Variants in GTF2IRD1 observed in about 807,000 individuals in gnomAD.
GTF2IRD1 encodes GTF2I repeat domain containing 1, also known as general transcription factor II-I repeat domain-containing protein 1.
Under a neutral mutation model 113.2 loss-of-function variants are expected in GTF2IRD1, and 26 were observed. The ratio of observed to expected loss-of-function variants is 0.23; its 90% CI spans 0.17 to 0.32. The LOEUF is 0.32. GTF2IRD1 is among the 10% of genes least tolerant of loss of function. The pLI is 1.00. For missense variants in GTF2IRD1, 864 were observed against 1,280.8 expected (o/e 0.67, Z 4.97); for synonymous variants, 484 against 529.1 (o/e 0.91, Z 1.17).
intron 6 of GTF2IRD1, 143 bp from the exon 7 acceptor site, chr7:74,521,065 G>C (rs922354566): frequency 3.4e-6 from 2 of 588,672 alleles, no homozygotes; most frequent in Admixed American, 6.1e-5. Context: ...CTTGCCTTGA[G>C]TTTGTGATCA....
At chr7:74,538,501 T>C (rs1554350783) in intron 12 of GTF2IRD1, among the ~76,000 whole-genome samples, 179 bp from the exon 13 acceptor site, 1 of 152,194 alleles carries the variant, frequency 6.6e-6, no homozygotes, top group African/African-American at 2.4e-5. Flanking sequence ...CCCCTAAGCC[T>C]GGCCTGAGGG....
intron 13 of GTF2IRD1, 31 bp from the exon 14 acceptor site, chr7:74,539,848 A>T (rs1554351246): frequency 6.6e-7 from 1 of 1,505,668 alleles, no homozygotes; most frequent in African/African-American, 1.4e-5. Flanking sequence ...CAGGCAGAAG[A>T]TACCCGTGTC....
Position 74,479,738 on chromosome 7 carries a change from A to AT in GTF2IRD1, c.-7+25563dup, listed in dbSNP as rs1562785076. ...GCATAATTTACTTCCAGTAAAGTAC[A>AT]TGAGTACATGAATCTTTTTTTTTTT... On this transcript the variant is annotated intron_variant, in intron 1 of 26. Coordinates refer to ENST00000424337, the MANE Select transcript of GTF2IRD1 (RefSeq NM_005685.4). Among the ~76,000 whole-genome samples the AT allele has an allele frequency of 3.1e-4, 46 of 149,686 alleles. No homozygotes were observed. The Middle Eastern group carries it at 0.011, about 35-fold the overall frequency.
intron 22 of GTF2IRD1, among the ~76,000 whole-genome samples, chr7:74,573,901 C>T (rs75916587): frequency 1.5e-3 from 222 of 152,318 alleles, no homozygotes; most frequent in African/African-American, 4.7e-3. Context: ...CATTTGTGCA[C>T]AGGCCCAGGT....
chr7:74,475,019 A>G (rs1794321673), intron 1 of GTF2IRD1, among the ~76,000 whole-genome samples: 1 of 152,116 alleles, frequency 6.6e-6, no homozygotes, highest in Admixed American at 6.6e-5. Context: ...ATACTCAGGA[A>G]GGATTTGGGA....
chr7:74,531,626 T>C (rs587602574), intron 9 of GTF2IRD1, among the ~76,000 whole-genome samples: 180 of 151,838 alleles, frequency 1.2e-3, no homozygotes, highest in African/African-American at 4.1e-3. Context: ...TTACGGCCTG[T>C]AATCCCAGCA....
intron 22 of GTF2IRD1, among the ~76,000 whole-genome samples, chr7:74,562,110 G>A (rs1800002543): frequency 6.6e-6 from 1 of 152,240 alleles, no homozygotes. Context: ...AGGTCACTGA[G>A]TGCTACTTCT....
At chr7:74,472,438 C>G (rs528616906) in intron 1 of GTF2IRD1, among the ~76,000 whole-genome samples, 1 of 152,164 alleles carries the variant, frequency 6.6e-6, no homozygotes, top group Non-Finnish European at 1.5e-5. Context: ...TCTAGAGTTA[C>G]GAGGATCAAG....
intron 22 of GTF2IRD1, among the ~76,000 whole-genome samples, chr7:74,564,939 A>T (rs782447206): frequency 6.6e-6 from 1 of 152,088 alleles, no homozygotes; most frequent in Non-Finnish European, 1.5e-5. Context: ...CTCAGAGGGC[A>T]GTGGGTGAAT....
chr7:74,468,024 G>A (rs929300838), intron 1 of GTF2IRD1, among the ~76,000 whole-genome samples: 10 of 152,092 alleles, frequency 6.6e-5, no homozygotes, highest in African/African-American at 2.4e-4. Flanking sequence ...GGCCACCGGC[G>A]GTGACGAGGC....
In GTF2IRD1 at chr7:74,541,575, G is replaced by A. The variant is rs587770542; in HGVS notation, c.1618+1607G>A. On this transcript the variant is annotated intron_variant, in intron 14 of 26. Coordinates refer to ENST00000424337, the MANE Select transcript of GTF2IRD1 (RefSeq NM_005685.4). ...CAGGAGGTTGAGGCTGTGGTGAGCCGTGATGGTGCCACTGAGTAAGACCCT... is the reference window on the plus strand; with the variant it reads ...CAGGAGGTTGAGGCTGTGGTGAGCCATGATGGTGCCACTGAGTAAGACCCT... 7.9e-5 allele frequency among the ~76,000 whole-genome samples: 12 copies of A among 151,764 alleles called. No homozygotes were observed. In the South Asian group the frequency reaches 2.5e-3, roughly 32 times the overall value.
At chr7:74,567,030 C>T (rs1800361171) in intron 22 of GTF2IRD1, among the ~76,000 whole-genome samples, 1 of 152,072 alleles carries the variant, frequency 6.6e-6, no homozygotes, top group African/African-American at 2.4e-5. Flanking sequence ...TTTATTTGTA[C>T]AACAAAAATG....
intron 1 of GTF2IRD1, among the ~76,000 whole-genome samples, chr7:74,461,073 C>T (rs1331740979): frequency 1.3e-5 from 2 of 152,210 alleles, no homozygotes; most frequent in Admixed American, 1.3e-4. Context: ...TGGCTCTCCC[C>T]AACCTGCCTG....
intron 1 of GTF2IRD1, among the ~76,000 whole-genome samples, chr7:74,492,226 A>G (rs1795394973): frequency 6.7e-6 from 1 of 148,988 alleles, no homozygotes; most frequent in Admixed American, 6.7e-5. Flanking sequence ...GCTGGAGTTC[A>G]GTGGCGTGAT....
intron 1 of GTF2IRD1, among the ~76,000 whole-genome samples, chr7:74,495,257 C>T (rs1428527388): frequency 6.6e-6 from 1 of 152,160 alleles, no homozygotes; most frequent in Admixed American, 6.5e-5. Flanking sequence ...GAGCCCAGGC[C>T]CAGGCTCTGG....
chr7:74,479,407 C>T (rs1051948939), intron 1 of GTF2IRD1, among the ~76,000 whole-genome samples: 7 of 133,680 alleles, frequency 5.2e-5, no homozygotes, highest in Admixed American at 1.8e-4. Context: ...GACACGTGGG[C>T]GGCCCAGGCT....
intron 1 of GTF2IRD1, among the ~76,000 whole-genome samples, chr7:74,492,782 T>C (rs1795443866): frequency 6.6e-6 from 1 of 152,032 alleles, no homozygotes; most frequent in Non-Finnish European, 1.5e-5. Flanking sequence ...GGGGGGAATC[T>C]GTTCCTGGCC....
In GTF2IRD1 at chr7:74,519,545, G is replaced by A. The variant is rs150553675; in HGVS notation, c.742G>A (p.Ala248Thr). The A allele has an allele frequency of 1.7e-5, 28 of 1,610,848 alleles. No homozygotes were observed. The highest frequency in any genetic ancestry group is 4.5e-5 in the East Asian group (2 of 44,670). Residue 248 changes from alanine to threonine, a missense_variant, in exon 6 of 27, where the codon GCC (alanine) becomes ACC (threonine). Transcript: ENST00000424337. ...KVPPQDLPPT[A>T]TSSSMASFLY... ...GCCACCCCAGGACCTGCCCCCAACC[G>A]CCACCTCCTCCTCCATGGCCAGCTT...
rs751736704 is a variant in GTF2IRD1 at position 74,512,662 on chromosome 7, G to A, written c.124-168G>A. Among the ~76,000 whole-genome samples, 15 of 152,196 alleles carry A rather than the reference G, an allele frequency of 9.9e-5. No individual in the cohort carries two copies. Among genetic ancestry groups the A allele is most frequent in the Non-Finnish European group, 1.8e-4 (12 of 68,038 alleles). On this transcript the variant is annotated intron_variant, in intron 2 of 26. Transcript: ENST00000424337. The surrounding 1 kb of genome is among the most constrained non-coding windows in gnomAD (Gnocchi z 4.4). ...AATGCCTGCAGGGCCATTTCATTCA[G>A]TCCCACTACAGAATCTGAGACCAAG...
Sources: allele counts gnomAD v4.1 joint callset (sites outside exome capture counted in the v4.1 genomes callset), GRCh38; gene constraint gnomAD v4.1.1; non-coding constraint Gnocchi (gnomAD v3.1); transcripts MANE v1.5; gene names NCBI Gene and HGNC (gene_info 2026-07-23, HGNC 2026-07-21).